RALGAPA2: variants seen among roughly 807,000 people sequenced by gnomAD.
RALGAPA2 encodes the protein Ral GTPase activating protein catalytic subunit alpha 2.
In RALGAPA2, 139 loss-of-function variants were observed where a neutral mutation model predicts 230.4. The ratio of observed to expected loss-of-function variants is 0.60; its 90% CI spans 0.53 to 0.69. RALGAPA2 has a LOEUF of 0.69. RALGAPA2 is among the 30% of genes least tolerant of loss of function. The probability of loss-of-function intolerance (pLI) is 0.00; values close to 1 mark genes in which losing one functional copy is unlikely to be tolerated. For synonymous variants in RALGAPA2, 847 were observed against 837.8 expected, an observed-to-expected ratio of 1.01 and a Z score of -0.19; for missense variants, 2,163 against 2,276.0, an observed-to-expected ratio of 0.95 and a Z score of 1.01.
intron 16 of RALGAPA2, among the ~76,000 whole-genome samples, chr20:20,592,564 T>C (rs895060456): frequency 6.6e-6 from 1 of 152,212 alleles, no homozygotes; most frequent in African/African-American, 2.4e-5. Context: ...CATGAAACTT[T>C]ACATCCACAT....
At chr20:20,475,655 G>A (rs1467430121) in intron 36 of RALGAPA2, among the ~76,000 whole-genome samples, 1 of 152,044 alleles carries the variant, frequency 6.6e-6, no homozygotes, top group African/African-American at 2.4e-5. Context: ...GAAAGATTAA[G>A]TATTTTCTAA....
intron 23 of RALGAPA2, among the ~76,000 whole-genome samples, chr20:20,554,586 T>C (rs2064026793): frequency 1.3e-5 from 2 of 152,198 alleles, no homozygotes; most frequent in African/African-American, 2.4e-5. Flanking sequence ...GGCTGTCTTT[T>C]TGTTGCTAAG....
intron 4 of RALGAPA2, among the ~76,000 whole-genome samples, chr20:20,646,400 G>A (rs566814244): frequency 6.6e-6 from 1 of 152,212 alleles, no homozygotes; most frequent in East Asian, 1.9e-4. Flanking sequence ...TTCTCATTTT[G>A]TTTTAATTTT....
At chr20:20,412,976 A>G (rs966424281) in intron 37 of RALGAPA2, among the ~76,000 whole-genome samples, 1 of 152,230 alleles carries the variant, frequency 6.6e-6, no homozygotes, top group Admixed American at 6.5e-5. Context: ...TGCACTTCCA[A>G]TAACAGGATA....
Position 20,512,912 on chromosome 20 carries a change from G to A in RALGAPA2, c.4457C>T (p.Ala1486Val), listed in dbSNP as rs1182744445. The A allele has an allele frequency of 6.2e-7, 1 of 1,613,774 alleles. No homozygotes were observed. Among genetic ancestry groups the A allele is most frequent in the Non-Finnish European group, 8.5e-7 (1 of 1,179,792 alleles). The change falls in exon 32 of 40, where the codon GCA becomes GTA. Residue 1486 changes from alanine (A) to valine (V), a missense_variant. Transcript: ENST00000202677. ...VLYGPLEGCL[A>V]PNGRNPSFLI... is the part of the protein sequence containing the mutation. ...AAATGAAGGATTTCTTCCATTGGGT[G>A]CTAAGCAGCCTTCCAAAGGTCCATA...
At chr20:20,641,320 C>T (rs1389888805) in intron 5 of RALGAPA2, among the ~76,000 whole-genome samples, 2 of 152,208 alleles carry the variant, frequency 1.3e-5, no homozygotes, top group Admixed American at 6.5e-5. Flanking sequence ...ACAGTACCCA[C>T]GGCCTCAATT....
chr20:20,564,710 T>C (rs2064359181), intron 23 of RALGAPA2, among the ~76,000 whole-genome samples: 1 of 152,238 alleles, frequency 6.6e-6, no homozygotes, highest in Non-Finnish European at 1.5e-5. Flanking sequence ...GAGGGCCCCA[T>C]GGCCAGTGAG....
intron 37 of RALGAPA2, among the ~76,000 whole-genome samples, chr20:20,423,375 C>A (rs2060317140): frequency 6.6e-6 from 1 of 152,086 alleles, no homozygotes; most frequent in African/African-American, 2.4e-5. Flanking sequence ...TAGGGAACCA[C>A]CCCCACCCCC....
At chr20:20,537,058 G>C (rs900238033) in intron 24 of RALGAPA2, among the ~76,000 whole-genome samples, 1 of 152,214 alleles carries the variant, frequency 6.6e-6, no homozygotes, top group Non-Finnish European at 1.5e-5. Flanking sequence ...ACTCTGTCAT[G>C]ACTGTTTACA....
chr20:20,550,054 T>C (rs1381291654), intron 23 of RALGAPA2, among the ~76,000 whole-genome samples: 1 of 152,124 alleles, frequency 6.6e-6, no homozygotes, highest in Non-Finnish European at 1.5e-5. Flanking sequence ...GTAAGTTCTT[T>C]AGTGGTGATT....
Position 20,513,242 on chromosome 20 carries a change from C to A in RALGAPA2, c.4127G>T (p.Arg1376Leu), listed in dbSNP as rs370930436. 5 of 1,504,518 alleles carry A rather than the reference C, an allele frequency of 3.3e-6. No homozygotes were observed. In the South Asian group the frequency reaches 7.0e-5, roughly 21 times the overall value. 93.2% of individuals were successfully genotyped at this position (1,504,518 alleles called of 1,614,324 possible). ...RSLELIPLTA[R>L]MVMAHLVNHL... ...GTTCACCAGGTGGGCCATCACCATT[C>A]GAGCAGTCAAAGGGATCAACTCCAA... The change falls in exon 32 of 40, where the codon CGA becomes CTA. Residue 1376 changes from arginine to leucine, a missense_variant. Transcript: ENST00000202677.
chr20:20,396,564 G>A (rs1406226322), intron 39 of RALGAPA2, 131 bp downstream of exon 39: 17 of 791,400 alleles, frequency 2.1e-5, no homozygotes, highest in Admixed American at 3.2e-5. Context: ...CAGGGCCCCC[G>A]GGGAGGGGAA....
chr20:20,406,137 T>C (rs1303638538), intron 38 of RALGAPA2, among the ~76,000 whole-genome samples: 1 of 152,248 alleles, frequency 6.6e-6, no homozygotes, highest in East Asian at 1.9e-4. Flanking sequence ...TTCTCAGTCC[T>C]GCCTGCACGT....
chr20:20,640,953 T>G, intron 5 of RALGAPA2, 75 bp from the exon 6 acceptor site: 1 of 1,322,780 alleles, frequency 7.6e-7, no homozygotes, highest in Non-Finnish European at 1.0e-6. Flanking sequence ...GCATCGGTCT[T>G]GAGAAAGAAA....
intron 37 of RALGAPA2, among the ~76,000 whole-genome samples, chr20:20,438,349 T>G (rs987347455): frequency 9.2e-5 from 14 of 152,252 alleles, no homozygotes; most frequent in Non-Finnish European, 2.1e-4. Flanking sequence ...TATTACTATA[T>G]ATGCATTTGC....
At chr20:20,557,027 C>G (rs955700358) in intron 23 of RALGAPA2, among the ~76,000 whole-genome samples, 1 of 151,804 alleles carries the variant, frequency 6.6e-6, no homozygotes, top group Admixed American at 6.6e-5. Flanking sequence ...AAAGGATGGG[C>G]GGCCGAGCGT....
Position 20,531,796 on chromosome 20 carries a change from C to A in RALGAPA2, c.3474-1G>T. The A allele has an allele frequency of 6.3e-7, 1 of 1,589,180 alleles. No homozygotes were observed. The highest frequency in any genetic ancestry group is 8.6e-7 in the Non-Finnish European group (1 of 1,166,766). Reference sequence around the variant, plus strand: ...CCCAAGGGAGCAAACAGCAATGCATCTTTTTAAAAAGAAGAAAACAGAGGA... The same window carrying A: ...CCCAAGGGAGCAAACAGCAATGCATATTTTTAAAAAGAAGAAAACAGAGGA... On this transcript the variant is annotated splice_acceptor_variant, in intron 26 of 39. Transcript: ENST00000202677. LOFTEE classifies it high-confidence loss of function.
At chr20:20,473,641 A>G (rs2061587073) in intron 36 of RALGAPA2, among the ~76,000 whole-genome samples, 2 of 152,116 alleles carry the variant, frequency 1.3e-5, no homozygotes, top group South Asian at 4.2e-4. Context: ...CACCACACCC[A>G]GCTTCTGTTT....
At chr20:20,492,611 G>A (rs1310884955) in intron 36 of RALGAPA2, among the ~76,000 whole-genome samples, 3 of 152,262 alleles carry the variant, frequency 2.0e-5, no homozygotes, top group Non-Finnish European at 4.4e-5. Flanking sequence ...GTAATCTAAC[G>A]AGGCGTCTGT....
Sources: allele counts gnomAD v4.1 joint callset (sites outside exome capture counted in the v4.1 genomes callset), GRCh38; gene constraint gnomAD v4.1.1; transcripts MANE v1.5; gene names NCBI Gene and HGNC (gene_info 2026-07-23, HGNC 2026-07-21).